SBK1: variants seen among roughly 807,000 people sequenced by gnomAD.
The protein encoded by SBK1 is SH3 domain binding kinase 1, also known as serine/threonine-protein kinase SBK1.
Under a neutral mutation model 24.4 loss-of-function variants are expected in SBK1, and 11 were observed. The observed-to-expected ratio is 0.45, with a 90% CI of 0.28 to 0.75. The LOEUF is 0.75. SBK1 is among the 30% of genes least tolerant of loss of function. SBK1 has a pLI of 0.12. For synonymous variants in SBK1, 308 were observed against 284.4 expected (o/e 1.08, Z -0.83); for missense variants, 467 against 620.5 (o/e 0.75, Z 2.63).
Position 28,320,736 on chromosome 16 carries a change from C to A in SBK1, c.1090C>A (p.Arg364=). 1 of 1,183,214 alleles carries A rather than the reference C, an allele frequency of 8.5e-7. No individual in the cohort carries two copies. Among genetic ancestry groups the A allele is most frequent in the South Asian group, 2.3e-5 (1 of 42,564 alleles). The allele number at this position is 1,183,214 out of a possible 1,614,324, so 73.3% of individuals were successfully genotyped here. A position where few individuals can be genotyped will look rare whatever the true frequency, so the allele number is the denominator to read the frequency against. Residue 364 remains arginine (R), a synonymous_variant, in exon 4 of 4, where the codon CGG becomes AGG. Transcript: ENST00000341901. This position sits in a 1 kb window ranked among gnomAD's most constrained non-coding sequence, Gnocchi z 8.5. Reference sequence around the variant, plus strand: ...GCTGACCGAGAGCGGCAGCGGCTCCCGGCCCGCGCCCCCCGCCGTCGGGTC... The same window carrying A: ...GCTGACCGAGAGCGGCAGCGGCTCCAGGCCCGCGCCCCCCGCCGTCGGGTC... ...TVLTESGSGS[R]PAPPAVGSVP... is the part of the protein sequence containing the mutation.
intron 1 of SBK1, among the ~76,000 whole-genome samples, chr16:28,283,304 G>C (rs1395046709): frequency 1.3e-5 from 2 of 152,158 alleles, no homozygotes; most frequent in Non-Finnish European, 2.9e-5. Flanking sequence ...ACTGACTTAA[G>C]CACAAAAAGG....
At chr16:28,294,963 G>A (rs988392298) in intron 1 of SBK1, among the ~76,000 whole-genome samples, 1 of 152,214 alleles carries the variant, frequency 6.6e-6, no homozygotes, top group Admixed American at 6.5e-5. Context: ...CAGAGAGTGA[G>A]CCTCTCTGCA....
intron 1 of SBK1, among the ~76,000 whole-genome samples, chr16:28,268,041 G>C (rs188163381): frequency 9.2e-5 from 14 of 152,234 alleles, no homozygotes; most frequent in African/African-American, 3.1e-4. Context: ...CAGCTACTTG[G>C]GGGGCTGAGG....
At chr16:28,261,365 C>T (rs1383536233) in intron 1 of SBK1, among the ~76,000 whole-genome samples, 1 of 151,306 alleles carries the variant, frequency 6.6e-6, no homozygotes, top group Non-Finnish European at 1.5e-5. Flanking sequence ...GAGGCCAAGG[C>T]GGGTAGATCG....
chr16:28,263,182 C>T (rs2044407791), intron 1 of SBK1, among the ~76,000 whole-genome samples: 1 of 152,322 alleles, frequency 6.6e-6, no homozygotes, highest in East Asian at 1.9e-4. Flanking sequence ...CTCATTCATT[C>T]ATTCACTCAA....
At chr16:28,314,077 G>A (rs910211851) in intron 1 of SBK1, among the ~76,000 whole-genome samples, 1 of 151,838 alleles carries the variant, frequency 6.6e-6, no homozygotes, top group Non-Finnish European at 1.5e-5. Flanking sequence ...CTTCACGCCT[G>A]TTAACTTACT....
rs1203774472 is a variant in SBK1 at position 28,321,172 on chromosome 16, G to A, written c.*251G>A. The A allele has an allele frequency of 1.4e-5, 4 of 289,182 alleles. No homozygotes were observed. Among genetic ancestry groups the A allele is most frequent in the East Asian group, 7.9e-5 (1 of 12,606 alleles). The allele number at this position is 289,182 out of a possible 1,614,324, so 17.9% of individuals were successfully genotyped here. ...GCCGCACAGACCCGAGAATTCGGAGGCCACCACACAACACACACACACACA... is the reference window on the plus strand; with the variant it reads ...GCCGCACAGACCCGAGAATTCGGAGACCACCACACAACACACACACACACA... On this transcript the variant is annotated 3_prime_UTR_variant, in exon 4 of 4. Coordinates refer to ENST00000341901, the MANE Select transcript of SBK1 (RefSeq NM_001024401.3).
At chr16:28,266,201 CA>C (rs970414795) in intron 1 of SBK1, among the ~76,000 whole-genome samples, 1 of 151,838 alleles carries the variant, frequency 6.6e-6, no homozygotes, top group African/African-American at 2.4e-5. Context: ...CCTGTCTCTA[CA>C]AAAAAATTTT....
intron 1 of SBK1, among the ~76,000 whole-genome samples, chr16:28,301,586 C>T (rs1412029209): frequency 1.3e-5 from 2 of 152,178 alleles, no homozygotes; most frequent in Non-Finnish European, 1.5e-5. Context: ...AGTGGAGGAG[C>T]GGGGTCAGGG....
chr16:28,298,662 C>A (rs1054245290), intron 1 of SBK1, among the ~76,000 whole-genome samples: 1 of 152,222 alleles, frequency 6.6e-6, no homozygotes, highest in Non-Finnish European at 1.5e-5. Flanking sequence ...CCTTCCCTGC[C>A]GGGGTATGCA....
intron 1 of SBK1, among the ~76,000 whole-genome samples, chr16:28,307,582 A>C (rs2044725982): frequency 6.6e-6 from 1 of 152,006 alleles, no homozygotes; most frequent in African/African-American, 2.4e-5. Flanking sequence ...TCTACTAAAA[A>C]TACAAAAATT....
At chr16:28,282,010 C>T (rs1271676483) in intron 1 of SBK1, among the ~76,000 whole-genome samples, 5 of 152,138 alleles carry the variant, frequency 3.3e-5, no homozygotes. Context: ...TGGTTCATTA[C>T]CTAGGTCCTC....
chr16:28,314,103 C>T (rs2044774007), intron 1 of SBK1, among the ~76,000 whole-genome samples: 1 of 151,802 alleles, frequency 6.6e-6, no homozygotes, highest in South Asian at 2.1e-4. Flanking sequence ...CTCGCAAGAA[C>T]GCATCGGGAG....
chr16:28,280,313 A>AATATATATATACGTACATATGTATAT, intron 1 of SBK1, among the ~76,000 whole-genome samples: 1 of 137,818 alleles, frequency 7.3e-6, no homozygotes, highest in Non-Finnish European at 1.6e-5. Context: ...ATATGTATAT[A>AATATATATATACGTACATATGTATAT]ATATATATAT....
chr16:28,292,656 A>G lies in SBK1; in HGVS notation c.-652A>G. ...GGGAGCGCAGGGCCGGGCTGCTCGT[A>G]GCGGCGGCGACCGAGCCCCCCAGCG... On this transcript the variant is annotated 5_prime_UTR_variant, in exon 1 of 4. It removes the in-frame stop codon of an upstream open reading frame in the 5' UTR. Transcript: ENST00000341901. 3 of 983,016 alleles carry G rather than the reference A, an allele frequency of 3.1e-6. No individual in the cohort carries two copies. Among genetic ancestry groups the G allele is most frequent in the Non-Finnish European group, 3.6e-6 (3 of 829,030 alleles). 60.9% of individuals were successfully genotyped at this position (983,016 alleles called of 1,614,324 possible). A position where few individuals can be genotyped will look rare whatever the true frequency, so the allele number is the denominator to read the frequency against.
At chr16:28,280,149 A>ATATATATATATATATATATGTG (rs1230385223) in intron 1 of SBK1, among the ~76,000 whole-genome samples, 1 of 39,414 alleles carries the variant, frequency 2.5e-5, no homozygotes, top group African/African-American at 8.2e-5. Flanking sequence ...ATATATATAT[A>ATATATATATATATATATATGTG]TGTGTGTGTG....
chr16:28,265,911 T>C (rs1373685035), intron 1 of SBK1, among the ~76,000 whole-genome samples: 4 of 150,892 alleles, frequency 2.7e-5, no homozygotes, highest in Non-Finnish European at 4.4e-5. Flanking sequence ...GAAGTGGAGG[T>C]TGTAGTGAGC....
At chr16:28,270,858 TA>T (rs2141561428) in intron 1 of SBK1, among the ~76,000 whole-genome samples, 2 of 151,240 alleles carry the variant, frequency 1.3e-5, no homozygotes, top group South Asian at 2.1e-4. Flanking sequence ...TTTATTTATT[TA>T]TTTATTTATT....
intron 1 of SBK1, among the ~76,000 whole-genome samples, chr16:28,308,782 T>TC (rs2044734802): frequency 7.3e-6 from 1 of 136,560 alleles, no homozygotes; most frequent in Non-Finnish European, 1.5e-5. Flanking sequence ...TGTGTGTGTT[T>TC]GTTTTGTTTT....
Sources: gnomAD v4.1 joint callset for allele counts (sites outside exome capture counted in the v4.1 genomes callset) on GRCh38, gnomAD v4.1.1 for gene constraint, Gnocchi (gnomAD v3.1) non-coding constraint, MANE v1.5 for transcripts, NCBI Gene and HGNC (gene_info 2026-07-23, HGNC 2026-07-21) for gene names.